The following BAZ1A variants were observed in gnomAD, a reference collection of about 807,000 sequenced individuals.
BAZ1A encodes bromodomain adjacent to zinc finger domain protein 1A.
Under a neutral mutation model 185.2 loss-of-function variants are expected in BAZ1A, and 50 were observed. The ratio of observed to expected loss-of-function variants is 0.27; its 90% CI spans 0.22 to 0.34. The LOEUF (loss-of-function observed/expected upper bound fraction) is 0.34. Ranked by LOEUF, BAZ1A falls within the 10% of genes least tolerant of loss-of-function variation. The pLI is 1.00. For missense variants in BAZ1A, 1,356 were observed against 1,839.9 expected (o/e 0.74, Z 4.81); for synonymous variants, 571 against 615.6 (o/e 0.93, Z 1.07).
intron 3 of BAZ1A, among the ~76,000 whole-genome samples, chr14:34,833,013 T>C (rs1013901185): frequency 2.6e-5 from 4 of 152,040 alleles, no homozygotes; most frequent in Admixed American, 2.0e-4. Context: ...CATGCTACAA[T>C]GTGGATGAAC....
At chr14:34,845,133 G>T (rs1270688236) in intron 3 of BAZ1A, among the ~76,000 whole-genome samples, 2 of 151,990 alleles carry the variant, frequency 1.3e-5, no homozygotes, top group African/African-American at 4.8e-5. Context: ...GAATTATTTA[G>T]AGAATATGTT....
intron 4 of BAZ1A, among the ~76,000 whole-genome samples, chr14:34,815,040 G>A (rs191659052): frequency 6.6e-6 from 1 of 152,156 alleles, no homozygotes; most frequent in African/African-American, 2.4e-5. Context: ...CTCCCAAAGT[G>A]CTGGGATTAC....
intron 10 of BAZ1A, 77 bp from the exon 11 acceptor site, chr14:34,794,964 T>A: frequency 6.5e-7 from 1 of 1,542,370 alleles, no homozygotes; most frequent in Non-Finnish European, 8.7e-7. Context: ...ACATACTTTT[T>A]ACCTAACTAT....
intron 3 of BAZ1A, among the ~76,000 whole-genome samples, chr14:34,849,113 G>A (rs1238121419): frequency 6.6e-6 from 1 of 152,022 alleles, no homozygotes; most frequent in Non-Finnish European, 1.5e-5. Context: ...AGAAACATAG[G>A]GAGACTATCT....
chr14:34,758,564 A>T, intron 25 of BAZ1A, 140 bp downstream of exon 25: 2 of 837,678 alleles, frequency 2.4e-6, no homozygotes, highest in Non-Finnish European at 3.6e-6. Context: ...TGGGCGACAG[A>T]GTGAGACTGT....
chr14:34,851,332 CAAAAAAAA>C (rs71435818), intron 3 of BAZ1A, among the ~76,000 whole-genome samples: 96 of 43,402 alleles, frequency 2.2e-3, no homozygotes, highest in African/African-American at 8.9e-3. Flanking sequence ...GACCCTAGCT[CAAAAAAAA>C]AAAAAAAAAA....
chr14:34,784,214 C>CA (rs1416030236), intron 14 of BAZ1A, among the ~76,000 whole-genome samples: 6 of 151,306 alleles, frequency 4.0e-5, no homozygotes, highest in African/African-American at 1.5e-4. Flanking sequence ...ACTAAAAATA[C>CA]AAAAATAGCT....
At chr14:34,829,680 A>T (rs1277829969) in intron 3 of BAZ1A, among the ~76,000 whole-genome samples, 1 of 152,208 alleles carries the variant, frequency 6.6e-6, no homozygotes, top group Non-Finnish European at 1.5e-5. Flanking sequence ...CAACAAATCC[A>T]AAGTATTGTA....
intron 23 of BAZ1A, among the ~76,000 whole-genome samples, chr14:34,762,533 G>A (rs1886570482): frequency 6.6e-6 from 1 of 150,870 alleles, no homozygotes; most frequent in East Asian, 1.9e-4. Context: ...CTGGAGTGCT[G>A]TAGTACGATC....
chr14:34,852,128 A>C (rs118079717), intron 3 of BAZ1A, among the ~76,000 whole-genome samples: 6,643 of 151,772 alleles, frequency 0.044, 224 homozygotes, highest in East Asian at 0.18. Context: ...CTCCGTCTCA[A>C]AGAAAAAAAA....
chr14:34,764,556 T>G, intron 23 of BAZ1A, 151 bp downstream of exon 23: 1 of 1,088,386 alleles, frequency 9.2e-7, no homozygotes, highest in South Asian at 1.6e-5. Context: ...CCTCCCAAAG[T>G]GCTGGGATTA....
In BAZ1A at chr14:34,806,120, T is replaced by C. The variant is rs576480599; in HGVS notation, c.726+1331A>G. Among the ~76,000 whole-genome samples the C allele has an allele frequency of 2.0e-5, 3 of 152,262 alleles. No individual in the cohort carries two copies. In the South Asian group the frequency reaches 6.2e-4, roughly 32 times the overall value. Reference sequence around the variant, plus strand: ...TTCCAATAGTTAACCAAGTGTCCATTTTTATTTATCAGTCTTGCCTCTAGA... The same window carrying C: ...TTCCAATAGTTAACCAAGTGTCCATCTTTATTTATCAGTCTTGCCTCTAGA... On this transcript the variant is annotated intron_variant, in intron 6 of 26. Transcript: ENST00000360310.
At chr14:34,796,763 G>A (rs1881221561) in intron 9 of BAZ1A, among the ~76,000 whole-genome samples, 1 of 152,160 alleles carries the variant, frequency 6.6e-6, no homozygotes, top group Non-Finnish European at 1.5e-5. Flanking sequence ...GTTAACAGAT[G>A]TGCACTTATC....
At chr14:34,817,565 C>T (rs1400254142) in intron 4 of BAZ1A, among the ~76,000 whole-genome samples, 4 of 151,870 alleles carry the variant, frequency 2.6e-5, no homozygotes, top group African/African-American at 9.7e-5. Flanking sequence ...AACAGCCTGG[C>T]AACAGAGCCA....
chr14:34,758,606 T>C, intron 25 of BAZ1A, 98 bp downstream of exon 25: 1 of 1,242,562 alleles, frequency 8.0e-7, no homozygotes, highest in Non-Finnish European at 1.1e-6. Context: ...CAAAAAAAAC[T>C]AGACAGTGAG....
intron 12 of BAZ1A, chr14:34,786,613 T>TTTTG (rs1555339567): frequency 6.8e-6 from 1 of 146,634 alleles, no homozygotes; most frequent in Non-Finnish European, 1.4e-5. Context: ...GTGTTTTTTT[T>TTTTG]TTTTTTTTTT....
At chr14:34,788,367 A>G (rs1194898990) in intron 12 of BAZ1A, among the ~76,000 whole-genome samples, 1 of 151,870 alleles carries the variant, frequency 6.6e-6, no homozygotes, top group Non-Finnish European at 1.5e-5. Context: ...GCAGTGCTGC[A>G]ATCTCAGCTC....
At chr14:34,868,292 G>A (rs559260981) in intron 2 of BAZ1A, among the ~76,000 whole-genome samples, 85 of 152,184 alleles carry the variant, frequency 5.6e-4, no homozygotes, top group Non-Finnish European at 1.0e-3. Flanking sequence ...GGCCCTTTGC[G>A]GAAAAAATTT....
At chr14:34,794,914 T>C in intron 10 of BAZ1A, 27 bp from the exon 11 acceptor site, 7 of 1,599,130 alleles carry the variant, frequency 4.4e-6, no homozygotes, top group Non-Finnish European at 6.0e-6. Flanking sequence ...TTTATATAAC[T>C]ATTTGAACCA....
Sources: allele counts gnomAD v4.1 joint callset (sites outside exome capture counted in the v4.1 genomes callset), GRCh38; gene constraint gnomAD v4.1.1; transcripts MANE v1.5; gene names NCBI Gene and HGNC (gene_info 2026-07-23, HGNC 2026-07-21).